FAT1: variants seen among roughly 807,000 people sequenced by gnomAD.
FAT1 encodes protocadherin Fat 1.
In FAT1, 171 loss-of-function variants were observed where a neutral mutation model predicts 329.8. The observed-to-expected ratio is 0.52, with a 90% confidence interval of 0.46 to 0.59. The LOEUF (loss-of-function observed/expected upper bound fraction) is 0.59, where lower values mean the gene tolerates loss of function less well. FAT1 is among the 20% of genes least tolerant of loss of function. FAT1 has a pLI of 0.00. For synonymous variants in FAT1, 2,233 were observed against 2,228.6 expected, an observed-to-expected ratio of 1.00 and a Z score of -0.06; for missense variants, 5,672 against 5,774.4, an observed-to-expected ratio of 0.98 and a Z score of 0.57.
At chr4:186,675,526 G>A (rs1742909851) in intron 2 of FAT1, among the ~76,000 whole-genome samples, 2 of 152,086 alleles carry the variant, frequency 1.3e-5, no homozygotes, top group Non-Finnish European at 1.5e-5. Flanking sequence ...TTGCACTCTG[G>A]GAGGCTGACG....
At chr4:186,641,558 G>A (rs1445407781) in intron 3 of FAT1, among the ~76,000 whole-genome samples, 1 of 152,078 alleles carries the variant, frequency 6.6e-6, no homozygotes, top group African/African-American at 2.4e-5. Context: ...AGCTTGACAC[G>A]TTCCCAGGAA....
rs148203354 is a variant in FAT1 at position 186,612,482 on chromosome 4, G to C, written c.9463+627C>G. On this transcript the variant is annotated intron_variant, in intron 13 of 26. Coordinates refer to ENST00000441802, the MANE Select transcript of FAT1 (RefSeq NM_005245.4). ...CTATTAACTTTATGAGTGCAGAACC[G>C]ATGCTTTAAAAAAAAATGCTCATTG... Among the ~76,000 whole-genome samples, 362 of 152,060 alleles carry C rather than the reference G, an allele frequency of 2.4e-3. 2 individuals are homozygous for C. Among genetic ancestry groups the C allele is most frequent in the African/African-American group, 8.4e-3 (350 of 41,502 alleles).
intron 6 of FAT1, among the ~76,000 whole-genome samples, 169 bp downstream of exon 6, chr4:186,635,856 T>C (rs1000744946): frequency 6.6e-6 from 1 of 152,228 alleles, no homozygotes; most frequent in African/African-American, 2.4e-5. Flanking sequence ...ATATGCTATA[T>C]ATTGTGAAAA....
intron 2 of FAT1, among the ~76,000 whole-genome samples, chr4:186,685,830 G>T (rs327111): frequency 0.18 from 27,075 of 152,148 alleles, 2,704 homozygotes; most frequent in East Asian, 0.27. Context: ...TATCTGGTAG[G>T]TTGCATTTGT....
intron 3 of FAT1, among the ~76,000 whole-genome samples, chr4:186,662,164 T>TC (rs1336639840): frequency 6.6e-6 from 1 of 152,110 alleles, no homozygotes; most frequent in African/African-American, 2.4e-5. Context: ...ACTTCTAGAT[T>TC]TCTCTCTCTG....
rs373193128 is a variant in FAT1, at chr4:186,606,200, G to A, written c.10220C>T (p.Thr3407Met). 2.9e-5 allele frequency: 46 copies of A among 1,612,460 alleles called. No individual in the cohort carries two copies. The highest frequency in any genetic ancestry group is 1.1e-4 in the African/African-American group (8 of 74,572). The change falls in exon 17 of 27, where the codon ACG (threonine) becomes ATG (methionine). Residue 3407 changes from threonine to methionine, a missense_variant. Around this residue, in one of 2 missense-constraint regions of FAT1, gnomAD observed 1,706 missense variants for 1,859.1 expected, o/e 0.92. Coordinates refer to ENST00000441802, the MANE Select transcript of FAT1 (RefSeq NM_005245.4). Reference sequence around the variant, plus strand: ...ATTATCAGAAGCTTGAACCGTGAGCGTGTAACCTGAAATCTTTTCAGGCAA... The same window carrying A: ...ATTATCAGAAGCTTGAACCGTGAGCATGTAACCTGAAATCTTTTCAGGCAA... ...LLDRETISGY[T>M]LTVQASDNGS...
At chr4:186,702,794 AC>A (rs1259252187) in intron 2 of FAT1, among the ~76,000 whole-genome samples, 2 of 152,206 alleles carry the variant, frequency 1.3e-5, no homozygotes, top group African/African-American at 2.4e-5. Flanking sequence ...GTTGAAGCTT[AC>A]AACAAAGCAA....
At chr4:186,722,608 G>GGATGT (rs1174298450) in intron 1 of FAT1, among the ~76,000 whole-genome samples, 1 of 152,172 alleles carries the variant, frequency 6.6e-6, no homozygotes, top group Non-Finnish European at 1.5e-5. Flanking sequence ...TGTAACAACT[G>GGATGT]GATGTGTTGG....
chr4:186,721,953 C>A (rs1453493140), intron 1 of FAT1, among the ~76,000 whole-genome samples: 1 of 152,180 alleles, frequency 6.6e-6, no homozygotes, highest in Non-Finnish European at 1.5e-5. Flanking sequence ...ATTCTCCTGC[C>A]TCAGCCTCCC....
rs759665758 is a variant in FAT1, at chr4:186,628,317, C to T, written c.4647G>A (p.Val1549=). The change falls in exon 9 of 27, where the codon GTG becomes GTA. Residue 1549 remains valine, a synonymous_variant. Coordinates refer to ENST00000441802, the MANE Select transcript of FAT1 (RefSeq NM_005245.4). ...GGTCATTCGTGTCGCTGACATTGACCACAATCCTTGCAAAGTTGCGTTTTA... is the reference window on the plus strand; with the variant it reads ...GGTCATTCGTGTCGCTGACATTGACTACAATCCTTGCAAAGTTGCGTTTTA... The part of the protein sequence containing the change: ...VPVKRNFARI[V]VNVSDTNDHA... 3 of 1,613,438 alleles carry T rather than the reference C, an allele frequency of 1.9e-6. No homozygotes were observed. Among genetic ancestry groups the T allele is most frequent in the Non-Finnish European group, 2.5e-6 (3 of 1,179,670 alleles).
At chr4:186,650,181 C>CCT (rs1741569548) in intron 3 of FAT1, among the ~76,000 whole-genome samples, 1 of 152,178 alleles carries the variant, frequency 6.6e-6, no homozygotes, top group Non-Finnish European at 1.5e-5. Flanking sequence ...GAGCAGGATG[C>CCT]CTCGGCTCTG....
Position 186,717,932 on chromosome 4 carries a change from G to A in FAT1, c.-19+5732C>T, listed in dbSNP as rs1013801177. Among the ~76,000 whole-genome samples, 18 of 152,254 alleles carry A rather than the reference G, an allele frequency of 1.2e-4. 1 individual carries two copies. Among genetic ancestry groups the A allele is most frequent in the South Asian group, 4.1e-4 (2 of 4,824 alleles). The stretch of plus-strand genomic sequence containing the variant: ...GCTCAATGGACTGTTGACCTCTTGT[G>A]AATGGAGATCATCTCATCTAATGTA... On this transcript the variant is annotated intron_variant, in intron 1 of 26. Coordinates refer to ENST00000441802, the MANE Select transcript of FAT1 (RefSeq NM_005245.4).
rs2126702113 is a variant in FAT1, at chr4:186,709,175, T to C, written c.653A>G (p.Tyr218Cys). The change falls in exon 2 of 27, where the codon TAT becomes TGT. Residue 218 changes from tyrosine (Y) to cysteine (C), a missense_variant. Coordinates refer to ENST00000441802, the MANE Select transcript of FAT1 (RefSeq NM_005245.4). ...GRLDYLETKL[Y>C]EMEILAADRG... is the part of the protein sequence containing the mutation. The stretch of plus-strand genomic sequence containing the variant: ...GTCCGCAGCGAGGATTTCCATCTCA[T>C]AGAGCTTGGTCTCTAGGTAATCAAG... 1 of 1,613,996 alleles carries C rather than the reference T, an allele frequency of 6.2e-7. No homozygotes were observed. The highest frequency in any genetic ancestry group is 8.5e-7 in the Non-Finnish European group (1 of 1,179,882).
chr4:186,674,562 G>A (rs758105476), intron 2 of FAT1, among the ~76,000 whole-genome samples: 1 of 152,192 alleles, frequency 6.6e-6, no homozygotes, highest in Non-Finnish European at 1.5e-5. Flanking sequence ...CCTGTGGTGG[G>A]AGGAGCGATG....
intron 2 of FAT1, among the ~76,000 whole-genome samples, chr4:186,667,524 C>T (rs1179122462): frequency 3.9e-5 from 6 of 152,234 alleles, no homozygotes; most frequent in South Asian, 2.1e-4. Flanking sequence ...GCTTCTGCTT[C>T]GATGCATTTT....
At chr4:186,661,374 G>A (rs1442937991) in intron 3 of FAT1, among the ~76,000 whole-genome samples, 1 of 152,234 alleles carries the variant, frequency 6.6e-6, no homozygotes, top group South Asian at 2.1e-4. Flanking sequence ...CAGAGGCCAA[G>A]AACAATCTCA....
chr4:186,595,894 G>T, intron 25 of FAT1, 68 bp from the exon 26 acceptor site: 5 of 1,546,804 alleles, frequency 3.2e-6, no homozygotes, highest in South Asian at 1.1e-5. Flanking sequence ...TGAATCCTGA[G>T]ACACACCATG....
At chr4:186,592,062 T>C (rs1738266998) in intron 26 of FAT1, among the ~76,000 whole-genome samples, 1 of 152,192 alleles carries the variant, frequency 6.6e-6, no homozygotes, top group Non-Finnish European at 1.5e-5. Context: ...GCCCTCCAGA[T>C]GATCTGATTC....
intron 2 of FAT1, among the ~76,000 whole-genome samples, chr4:186,692,058 T>C (rs1343202910): frequency 6.6e-6 from 1 of 151,724 alleles, no homozygotes; most frequent in Non-Finnish European, 1.5e-5. Context: ...AGTTTGTTTT[T>C]CTTCCCCCCC....
Sources: gnomAD v4.1 joint callset for allele counts (sites outside exome capture counted in the v4.1 genomes callset) on GRCh38, gnomAD v4.1.1 for gene constraint, gnomAD v4.1.1 regional missense constraint, MANE v1.5 for transcripts, NCBI Gene and HGNC (gene_info 2026-07-23, HGNC 2026-07-21) for gene names.